Variants in BCAS2 observed in about 807,000 individuals in gnomAD.
BCAS2 encodes BCAS2 pre-mRNA processing factor, also known as pre-mRNA-splicing factor SPF27.
Under a neutral mutation model 35.3 loss-of-function variants are expected in BCAS2, and 34 were observed. The ratio of observed to expected loss-of-function variants is 0.96; its 90% CI spans 0.73 to 1.28. The LOEUF (loss-of-function observed/expected upper bound fraction) is 1.28, where lower values mean the gene tolerates loss of function less well. Ranked by LOEUF, BCAS2 falls within the 50% of genes most tolerant of loss-of-function variation. The pLI, the probability that BCAS2 is intolerant of heterozygous loss-of-function variation, is 0.00. For missense variants in BCAS2, 221 were observed against 268.1 expected (o/e 0.82, Z 1.23); for synonymous variants, 75 against 91.6 (o/e 0.82, Z 1.03).
intron 2 of BCAS2, among the ~76,000 whole-genome samples, chr1:114,578,412 G>C (rs760778816): frequency 6.6e-6 from 1 of 151,970 alleles, no homozygotes; most frequent in South Asian, 2.1e-4. Context: ...TTAAACACGA[G>C]GCAGTATAAA....
rs1654894735 is a variant in BCAS2, at chr1:114,581,611, C to T, written c.-20G>A. Reference sequence around the variant, plus strand: ...CGCCATTCTGAGGACCTCAGGTTTGCCTGCGTTTTCTGCGTCTGCGTAAAC... The same window carrying T: ...CGCCATTCTGAGGACCTCAGGTTTGTCTGCGTTTTCTGCGTCTGCGTAAAC... On this transcript the variant is annotated 5_prime_UTR_variant, in exon 1 of 7. Coordinates refer to ENST00000369541, the MANE Select transcript of BCAS2 (RefSeq NM_005872.3). The T allele has an allele frequency of 1.9e-6, 3 of 1,612,144 alleles. No homozygotes were observed. The highest frequency in any genetic ancestry group is 8.5e-7 in the Non-Finnish European group (1 of 1,179,560).
At chr1:114,569,664 ATTT>A (rs768378562) in intron 6 of BCAS2, among the ~76,000 whole-genome samples, 1 of 135,812 alleles carries the variant, frequency 7.4e-6, no homozygotes. Context: ...CACCGTGCCT[ATTT>A]TTTTTTTTTT....
At chr1:114,576,222 CCTCTCTCT>C (rs71580638) in intron 3 of BCAS2, among the ~76,000 whole-genome samples, 5 of 135,072 alleles carry the variant, frequency 3.7e-5, no homozygotes, top group South Asian at 2.4e-4. Context: ...TTCAACACTG[CCTCTCTCT>C]CTCTCTCTCT....
chr1:114,568,652 C>G (rs557933128), intron 6 of BCAS2, among the ~76,000 whole-genome samples: 6 of 151,632 alleles, frequency 4.0e-5, no homozygotes, highest in African/African-American at 1.5e-4. Context: ...CAGGCATGAG[C>G]TACCATGCCT....
intron 4 of BCAS2, among the ~76,000 whole-genome samples, chr1:114,573,576 T>C (rs772338491): frequency 5.1e-4 from 78 of 152,314 alleles, no homozygotes; most frequent in Middle Eastern, 3.4e-3. Context: ...GCACACAATG[T>C]AGCACTTGCC....
chr1:114,580,280 G>GA (rs1301390578), intron 2 of BCAS2, among the ~76,000 whole-genome samples: 2 of 152,048 alleles, frequency 1.3e-5, no homozygotes, highest in East Asian at 1.9e-4. Flanking sequence ...GGTATAATGG[G>GA]AAAAAATCCT....
chr1:114,569,926 A>G (rs1654605022), intron 6 of BCAS2, 66 bp downstream of exon 6: 5 of 1,249,280 alleles, frequency 4.0e-6, no homozygotes, highest in Non-Finnish European at 5.8e-6. Context: ...TATTTGAATC[A>G]TATTATTGAA....
intron 4 of BCAS2, among the ~76,000 whole-genome samples, chr1:114,571,799 GCTAA>G (rs1420651513): frequency 6.6e-6 from 1 of 152,088 alleles, no homozygotes; most frequent in African/African-American, 2.4e-5. Flanking sequence ...CCTGTCTACT[GCTAA>G]CTAGAGAGAG....
intron 3 of BCAS2, among the ~76,000 whole-genome samples, chr1:114,576,111 T>C (rs1654756248): frequency 1.3e-5 from 2 of 151,690 alleles, no homozygotes; most frequent in African/African-American, 4.8e-5. Flanking sequence ...TGTAAAATAC[T>C]CACACCCACC....
chr1:114,577,966 G>A (rs369025454), intron 2 of BCAS2, among the ~76,000 whole-genome samples: 1 of 152,212 alleles, frequency 6.6e-6, no homozygotes, highest in Non-Finnish European at 1.5e-5. Context: ...GCCGAGGTGG[G>A]TGGATCACGA....
At chr1:114,578,121 T>G (rs1172293129) in intron 2 of BCAS2, among the ~76,000 whole-genome samples, 1 of 151,868 alleles carries the variant, frequency 6.6e-6, no homozygotes, top group Non-Finnish European at 1.5e-5. Context: ...ACCTGGGAGG[T>G]GGAGGTTGCA....
chr1:114,570,240 T>A (rs539285678), intron 5 of BCAS2, among the ~76,000 whole-genome samples, 168 bp from the exon 6 acceptor site: 3 of 151,944 alleles, frequency 2.0e-5, no homozygotes, highest in African/African-American at 7.2e-5. Context: ...TGATTACAAG[T>A]TTCATAAAAC....
intron 4 of BCAS2, among the ~76,000 whole-genome samples, chr1:114,571,127 C>T (rs1455900129): frequency 6.6e-6 from 1 of 151,980 alleles, no homozygotes; most frequent in South Asian, 2.1e-4. Context: ...GAGATCTCAG[C>T]TCACTGCAGC....
chr1:114,570,103 C>T lies in BCAS2; in HGVS notation c.471-31G>A, dbSNP rs746033842. 2.7e-6 allele frequency: 4 copies of T among 1,480,182 alleles called. No homozygotes were observed. In the African/African-American group the frequency reaches 4.2e-5, roughly 15 times the overall value. The allele number at this position is 1,480,182 out of a possible 1,614,324, so 91.7% of individuals were successfully genotyped here. On this transcript the variant is annotated intron_variant, in intron 5 of 6. Transcript: ENST00000369541. ...AAAAATTATTTATACAACCCAATTA[C>T]ATTTTAATGTAAGACCTAAATCAAC...
intron 4 of BCAS2, among the ~76,000 whole-genome samples, chr1:114,572,159 A>AT (rs1327729681): frequency 6.6e-6 from 1 of 151,946 alleles, no homozygotes; most frequent in Non-Finnish European, 1.5e-5. Context: ...TGTGACTCAA[A>AT]TTTTCTGTTG....
chr1:114,567,978 T>C lies in BCAS2; in HGVS notation c.*152A>G. The C allele has an allele frequency of 2.0e-6, 2 of 1,002,074 alleles. No homozygotes were observed. The allele number at this position is 1,002,074 out of a possible 1,614,324, so 62.1% of individuals were successfully genotyped here. ...TTTTAATTCTGTTGAGATATACAAA[T>C]AGAATTACCACAGCAGCCTACACCT... On this transcript the variant is annotated 3_prime_UTR_variant, in exon 7 of 7. Transcript: ENST00000369541.
intron 4 of BCAS2, among the ~76,000 whole-genome samples, chr1:114,575,036 C>CT (rs546575497): frequency 0.047 from 6,522 of 140,246 alleles, 462 homozygotes; most frequent in African/African-American, 0.16. Flanking sequence ...GCCGGCTAAT[C>CT]TTTTTTTTTT....
intron 2 of BCAS2, 90 bp downstream of exon 2, chr1:114,581,209 G>T: frequency 7.7e-7 from 1 of 1,303,340 alleles, no homozygotes; most frequent in Non-Finnish European, 1.1e-6. Context: ...AGCTATGCAG[G>T]CAATGGTTAA....
Position 114,567,904 on chromosome 1 carries a change from A to G in BCAS2, c.*226T>C. On this transcript the variant is annotated 3_prime_UTR_variant, in exon 7 of 7. Coordinates refer to ENST00000369541, the MANE Select transcript of BCAS2 (RefSeq NM_005872.3). ...ATTCTAAAGTCATCCTTATTTTGAA[A>G]GCCTAAAGATTTTCTTTTATGGCTA... The G allele has an allele frequency of 2.2e-6, 1 of 454,560 alleles. No individual in the cohort carries two copies. The highest frequency in any genetic ancestry group is 4.9e-5 in the South Asian group (1 of 20,564). 28.2% of individuals were successfully genotyped at this position (454,560 alleles called of 1,614,324 possible). A position where few individuals can be genotyped will look rare whatever the true frequency, so the allele number is the denominator to read the frequency against.
Sources: allele counts gnomAD v4.1 joint callset (sites outside exome capture counted in the v4.1 genomes callset), GRCh38; gene constraint gnomAD v4.1.1; transcripts MANE v1.5; gene names NCBI Gene and HGNC (gene_info 2026-07-23, HGNC 2026-07-21).